Variants in IPPK observed in about 807,000 individuals in gnomAD.
The protein encoded by IPPK is inositol-pentakisphosphate 2-kinase.
Under a neutral mutation model 64.6 loss-of-function variants are expected in IPPK, and 22 were observed. The ratio of observed to expected loss-of-function variants is 0.34; its 90% CI spans 0.24 to 0.49. The LOEUF is 0.49. Among genes scored for constraint, IPPK ranks in the 20% least tolerant of loss-of-function variants. The pLI is 0.99. For synonymous variants in IPPK, 262 were observed against 247.2 expected (o/e 1.06, Z -0.56); for missense variants, 532 against 630.7 (o/e 0.84, Z 1.68).
intron 11 of IPPK, among the ~76,000 whole-genome samples, chr9:92,626,290 G>A (rs1035723969): frequency 1.2e-4 from 19 of 152,078 alleles, no homozygotes; most frequent in Non-Finnish European, 2.4e-4. Flanking sequence ...CCAGCTACTC[G>A]GGAGGCTGAG....
Position 92,657,387 on chromosome 9 carries a change from G to C in IPPK, c.130-836C>G, listed in dbSNP as rs148048496. ...TAAAGCCCCCCTGGTCAACAGAAAA[G>C]TTACCACTCAAGTCTCCACTGATCA... On this transcript the variant is annotated intron_variant, in intron 2 of 12. Coordinates refer to ENST00000287996, the MANE Select transcript of IPPK (RefSeq NM_022755.6). Among the ~76,000 whole-genome samples the C allele has an allele frequency of 2.0e-5, 3 of 151,874 alleles. No homozygotes were observed. The East Asian group carries it at 5.8e-4, about 29-fold the overall frequency.
chr9:92,667,275 C>A (rs900133041), intron 1 of IPPK, among the ~76,000 whole-genome samples: 1 of 152,238 alleles, frequency 6.6e-6, no homozygotes, highest in Non-Finnish European at 1.5e-5. Context: ...GGAGGCTGGG[C>A]GCATGCTCAG....
intron 9 of IPPK, among the ~76,000 whole-genome samples, chr9:92,636,074 G>T (rs1851937628): frequency 6.6e-6 from 1 of 152,062 alleles, no homozygotes; most frequent in African/African-American, 2.4e-5. Context: ...TGCTGTACAG[G>T]GTGCCAAGTG....
chr9:92,639,879 AG>A (rs144239080), intron 8 of IPPK, among the ~76,000 whole-genome samples: 5,803 of 152,306 alleles, frequency 0.038, 151 homozygotes, highest in Middle Eastern at 0.075. Context: ...CTGGGGAGGC[AG>A]GTCAAGAGCA....
chr9:92,644,933 G>A (rs1351806974), intron 6 of IPPK, among the ~76,000 whole-genome samples: 1 of 152,130 alleles, frequency 6.6e-6, no homozygotes, highest in Non-Finnish European at 1.5e-5. Flanking sequence ...CTGCCCTGAG[G>A]AAGCCCAGAC....
intron 8 of IPPK, among the ~76,000 whole-genome samples, chr9:92,639,215 T>C (rs1852001940): frequency 6.6e-6 from 1 of 151,802 alleles, no homozygotes; most frequent in African/African-American, 2.4e-5. Flanking sequence ...CACCCAGCAA[T>C]TTTTTTGATT....
intron 1 of IPPK, among the ~76,000 whole-genome samples, chr9:92,662,611 CAA>C (rs1034653546): frequency 6.6e-6 from 1 of 151,952 alleles, no homozygotes; most frequent in Non-Finnish European, 1.5e-5. Flanking sequence ...TGTTTCTTAA[CAA>C]AAGCAACGCT....
At position 92,648,039 on chromosome 9, in the gene IPPK, AGCTGGGCATTG is replaced by A; in HGVS notation, c.504+9_504+19del. On this transcript the variant is annotated intron_variant, in intron 6 of 12. Transcript: ENST00000287996. The stretch of plus-strand genomic sequence containing the variant: ...CCAGCGTGCAGCTAGAGTAGCCCAC[AGCTGGGCATTG>A]GCTCTCACCTTGAGGTGCTGGTGCA... The A allele has an allele frequency of 6.3e-7, 1 of 1,577,152 alleles. No individual in the cohort carries two copies. The highest frequency in any genetic ancestry group is 8.7e-7 in the Non-Finnish European group (1 of 1,147,888).
At chr9:92,644,089 C>G (rs1462910717) in intron 6 of IPPK, among the ~76,000 whole-genome samples, 2 of 152,074 alleles carry the variant, frequency 1.3e-5, no homozygotes, top group Non-Finnish European at 2.9e-5. Flanking sequence ...AGTAATCACA[C>G]CACAAAGAAA....
At chr9:92,640,974 G>T (rs1366345213) in intron 7 of IPPK, among the ~76,000 whole-genome samples, 192 bp from the exon 8 acceptor site, 3 of 152,172 alleles carry the variant, frequency 2.0e-5, no homozygotes, top group Non-Finnish European at 4.4e-5. Context: ...TCCCCGGAGG[G>T]TCACAGATGC....
intron 2 of IPPK, among the ~76,000 whole-genome samples, 173 bp downstream of exon 2, chr9:92,658,461 T>C (rs1208505951): frequency 1.3e-5 from 2 of 152,232 alleles, no homozygotes; most frequent in African/African-American, 2.4e-5. Flanking sequence ...TGGGTTAACG[T>C]GCTGGACCCA....
At chr9:92,631,269 C>T (rs1851840697) in intron 11 of IPPK, among the ~76,000 whole-genome samples, 1 of 148,994 alleles carries the variant, frequency 6.7e-6, no homozygotes, top group African/African-American at 2.5e-5. Context: ...AATCTTGGCT[C>T]ACTGCAGCCT....
chr9:92,669,071 C>G (rs1253034210), intron 1 of IPPK, among the ~76,000 whole-genome samples: 1 of 140,528 alleles, frequency 7.1e-6, no homozygotes, highest in African/African-American at 2.5e-5. Context: ...GTGAATTCTA[C>G]TACTAGTTCC....
At chr9:92,657,904 G>A (rs1473796433) in intron 2 of IPPK, among the ~76,000 whole-genome samples, 1 of 151,842 alleles carries the variant, frequency 6.6e-6, no homozygotes, top group African/African-American at 2.4e-5. Flanking sequence ...AGCCCTCAAG[G>A]GGCAGTGACT....
chr9:92,669,116 T>A (rs77706367), intron 1 of IPPK, among the ~76,000 whole-genome samples: 265 of 152,268 alleles, frequency 1.7e-3, no homozygotes, highest in African/African-American at 6.1e-3. Flanking sequence ...TTCCTGTGCC[T>A]TTAACACCCA....
chr9:92,669,183 G>A (rs1031268029), intron 1 of IPPK, among the ~76,000 whole-genome samples: 11 of 149,642 alleles, frequency 7.4e-5, no homozygotes, highest in Admixed American at 5.3e-4. Flanking sequence ...CCCCTCCCCC[G>A]TTCCAGCCGG....
chr9:92,645,890 T>A (rs891023144), intron 6 of IPPK, among the ~76,000 whole-genome samples: 1 of 152,020 alleles, frequency 6.6e-6, no homozygotes, highest in Non-Finnish European at 1.5e-5. Context: ...AAATAAAGGA[T>A]ACTAGATAGT....
At position 92,615,833 on chromosome 9, in the gene IPPK, T is replaced by C. The variant is rs780948436; in HGVS notation, c.1475A>G (p.Ter492=). The change falls in exon 13 of 13, where the codon TAA becomes TGA. Residue 492 remains the stop codon, a stop_retained_variant. Coordinates refer to ENST00000287996, the MANE Select transcript of IPPK (RefSeq NM_022755.6). ...EDCTLVLHKV[*] is the part of the protein sequence containing the mutation. The stretch of plus-strand genomic sequence containing the variant: ...TTCAAAGACACTGCAGGGAAAGAGT[T>C]AGACCTTGTGGAGAACTAATGTGCA... The C allele has an allele frequency of 3.1e-6, 5 of 1,608,900 alleles. No individual in the cohort carries two copies. The highest frequency in any genetic ancestry group is 2.2e-5 in the South Asian group (2 of 90,946).
chr9:92,638,558 G>A (rs1261240399), intron 8 of IPPK, among the ~76,000 whole-genome samples: 3 of 152,234 alleles, frequency 2.0e-5, no homozygotes, highest in African/African-American at 4.8e-5. Context: ...CCCAGACAAT[G>A]ATCCACAGTA....
Sources: allele counts gnomAD v4.1 joint callset (sites outside exome capture counted in the v4.1 genomes callset), GRCh38; gene constraint gnomAD v4.1.1; transcripts MANE v1.5; gene names NCBI Gene and HGNC (gene_info 2026-07-23, HGNC 2026-07-21).